Variants in NTN1 observed in about 807,000 individuals in gnomAD.
NTN1 encodes netrin-1.
A neutral mutation model predicts 54.2 loss-of-function variants in NTN1; 11 were observed. The observed-to-expected ratio is 0.20, with a 90% confidence interval of 0.13 to 0.34. NTN1 has a LOEUF of 0.34. Among genes scored for constraint, NTN1 ranks in the 10% least tolerant of loss-of-function variants. The pLI is 1.00. For missense variants in NTN1, 740 were observed against 893.1 expected, an observed-to-expected ratio of 0.83 and a Z score of 2.18; for synonymous variants, 371 against 382.0, an observed-to-expected ratio of 0.97 and a Z score of 0.33.
In NTN1 at chr17:9,022,387, T is replaced by C; in HGVS notation, c.14T>C (p.Val5Ala). 7.5e-7 allele frequency: 1 copy of C among 1,329,870 alleles called. No individual in the cohort carries two copies. Among genetic ancestry groups the C allele is most frequent in the South Asian group, 2.2e-5 (1 of 45,936 alleles). The allele number at this position is 1,329,870 out of a possible 1,614,324, so 82.4% of individuals were successfully genotyped here. The change falls in exon 2 of 7, where the codon GTG becomes GCG. Residue 5 changes from valine to alanine, a missense_variant. Val to Ala is a moderately conservative substitution (Grantham distance 64, BLOSUM62 0). Transcript: ENST00000173229. MMRAVWEALAALAAV... is the reference protein window; with the variant it reads MMRAAWEALAALAAV... ...GCTGGACGCAGCATGATGCGCGCAGTGTGGGAGGCGCTGGCGGCGCTGGCG... is the reference window on the plus strand; with the variant it reads ...GCTGGACGCAGCATGATGCGCGCAGCGTGGGAGGCGCTGGCGGCGCTGGCG...
At chr17:9,119,044 C>G (rs756358062) in intron 2 of NTN1, among the ~76,000 whole-genome samples, 1 of 152,194 alleles carries the variant, frequency 6.6e-6, no homozygotes, top group Non-Finnish European at 1.5e-5. Flanking sequence ...CTTTGTTTAA[C>G]TTTCTGAGGA....
At chr17:9,185,430 T>C (rs1210483829) in intron 5 of NTN1, among the ~76,000 whole-genome samples, 1 of 152,168 alleles carries the variant, frequency 6.6e-6, no homozygotes, top group Non-Finnish European at 1.5e-5. Context: ...CAGAGGAGAA[T>C]TAATAAGCTG....
At chr17:9,201,971 A>G (rs976536808) in intron 5 of NTN1, among the ~76,000 whole-genome samples, 2 of 146,186 alleles carry the variant, frequency 1.4e-5, no homozygotes, top group African/African-American at 2.6e-5. Flanking sequence ...GCGAATCACA[A>G]GGCCAGAAGT....
chr17:9,106,184 C>T (rs546407093), intron 2 of NTN1, among the ~76,000 whole-genome samples: 21 of 152,304 alleles, frequency 1.4e-4, no homozygotes, highest in African/African-American at 5.1e-4. Context: ...TGGTTAATTG[C>T]AGAGAAGGAC....
chr17:9,169,340 C>CTGG (rs1356272128), intron 3 of NTN1, among the ~76,000 whole-genome samples: 3 of 152,224 alleles, frequency 2.0e-5, no homozygotes, highest in Non-Finnish European at 4.4e-5. Context: ...CTCAGAAAAG[C>CTGG]TGGTAGAGCC....
At chr17:9,032,443 A>G (rs1176235037) in intron 2 of NTN1, among the ~76,000 whole-genome samples, 2 of 152,134 alleles carry the variant, frequency 1.3e-5, no homozygotes, top group Non-Finnish European at 2.9e-5. Context: ...CTGGGCCAGG[A>G]CCCTGGTGCC....
upstream of NTN1, chr17:9,021,430 G>A (rs1597460179): frequency 6.6e-6 from 1 of 151,526 alleles, no homozygotes; most frequent in Non-Finnish European, 1.5e-5. Context: ...GCTCGGAGCT[G>A]GCGGCAGCTC....
the NTN1 span, among the ~76,000 whole-genome samples, chr17:9,004,241 A>G: frequency 6.6e-6 from 1 of 152,262 alleles, no homozygotes; most frequent in Non-Finnish European, 1.5e-5. Context: ...GCCCGAGGCG[A>G]CACGGCAAGC....
In NTN1 at chr17:9,239,815, G is replaced by A; in HGVS notation, c.1662G>A (p.Lys554=). 6.2e-6 allele frequency: 10 copies of A among 1,613,668 alleles called. No homozygotes were observed. The highest frequency in any genetic ancestry group is 8.5e-6 in the Non-Finnish European group (10 of 1,180,026). Reference sequence around the variant, plus strand: ...GTCCCAAAATCAAGCCCCTCAAGAAGTACCTGCTGCTGGGCAACGCGGAGG... The same window carrying A: ...GTCCCAAAATCAAGCCCCTCAAGAAATACCTGCTGCTGGGCAACGCGGAGG... ...CKCPKIKPLK[K]YLLLGNAEDS... Residue 554 remains lysine, a synonymous_variant, in exon 7 of 7, where the codon AAG becomes AAA. Coordinates refer to ENST00000173229, the MANE Select transcript of NTN1 (RefSeq NM_004822.3). This position sits in a 1 kb window ranked among gnomAD's most constrained non-coding sequence, Gnocchi z 5.2.
intron 6 of NTN1, among the ~76,000 whole-genome samples, chr17:9,225,413 C>T (rs550213413): frequency 2.0e-5 from 3 of 152,178 alleles, no homozygotes; most frequent in East Asian, 1.9e-4. Context: ...GGCAGGGCCT[C>T]GGGGAGTGTG....
chr17:9,150,365 GA>G (rs2092323873), intron 2 of NTN1, among the ~76,000 whole-genome samples: 1 of 152,146 alleles, frequency 6.6e-6, no homozygotes, highest in African/African-American at 2.4e-5. Flanking sequence ...CAAATGAGAG[GA>G]ATGTCTGAAG....
At chr17:9,117,170 G>A (rs772739618) in intron 2 of NTN1, among the ~76,000 whole-genome samples, 2 of 152,218 alleles carry the variant, frequency 1.3e-5, no homozygotes, top group African/African-American at 2.4e-5. Flanking sequence ...GAAACAGCGC[G>A]TGAATAGAGA....
chr17:9,216,497 A>G (rs77978605), intron 5 of NTN1, among the ~76,000 whole-genome samples: 2,651 of 152,328 alleles, frequency 0.017, 80 homozygotes, highest in African/African-American at 0.062. Context: ...CAGCAACTTT[A>G]TGGTCCCCTA....
intron 2 of NTN1, among the ~76,000 whole-genome samples, chr17:9,072,574 G>T (rs1345196836): frequency 6.6e-6 from 1 of 152,152 alleles, no homozygotes; most frequent in African/African-American, 2.4e-5. Flanking sequence ...TTGCGTGCCC[G>T]CCTCGGAGAG....
chr17:9,096,020 C>T (rs548931452), intron 2 of NTN1, among the ~76,000 whole-genome samples: 22 of 152,240 alleles, frequency 1.4e-4, no homozygotes, highest in Non-Finnish European at 1.6e-4. Flanking sequence ...TGGTCTTGAA[C>T]GCCTGACCTC....
intron 5 of NTN1, among the ~76,000 whole-genome samples, chr17:9,190,977 CTATT>C (rs1904438692): frequency 2.0e-5 from 3 of 152,104 alleles, no homozygotes. Flanking sequence ...GGAAAACCGG[CTATT>C]TATTTTAAAA....
At chr17:9,107,501 G>A (rs9913804) in intron 2 of NTN1, among the ~76,000 whole-genome samples, 4,251 of 152,330 alleles carry the variant, frequency 0.028, 206 homozygotes, top group African/African-American at 0.096. Context: ...GGAACGCTGT[G>A]TGAACGTGGA....
intron 5 of NTN1, among the ~76,000 whole-genome samples, chr17:9,218,477 A>G (rs1161877607): frequency 2.6e-5 from 4 of 152,158 alleles, no homozygotes; most frequent in African/African-American, 7.2e-5. Context: ...TGTGAGTGCA[A>G]TGTAATTAGG....
chr17:9,223,121 A>G (rs1040961831), intron 6 of NTN1, among the ~76,000 whole-genome samples: 3 of 152,246 alleles, frequency 2.0e-5, no homozygotes, highest in African/African-American at 7.2e-5. Flanking sequence ...GTTAAGCTGT[A>G]TACATCCCAG....
Sources: allele counts gnomAD v4.1 joint callset (sites outside exome capture counted in the v4.1 genomes callset), GRCh38; gene constraint gnomAD v4.1.1; non-coding constraint Gnocchi (gnomAD v3.1); transcripts MANE v1.5; gene names NCBI Gene and HGNC (gene_info 2026-07-23, HGNC 2026-07-21).